The following MED26 variants were observed in gnomAD, a reference collection of about 807,000 sequenced individuals.
MED26 encodes mediator complex subunit 26, also known as mediator of RNA polymerase II transcription subunit 26.
A neutral mutation model predicts 43.7 loss-of-function variants in MED26; 7 were observed. That is an observed-to-expected ratio of 0.16 (90% CI 0.09 to 0.30). The LOEUF is 0.30. MED26 is among the 10% of genes least tolerant of loss of function. The pLI, the probability that MED26 is intolerant of heterozygous loss-of-function variation, is 1.00. For missense variants in MED26, 784 were observed against 840.6 expected, an observed-to-expected ratio of 0.93 and a Z score of 0.83; for synonymous variants, 375 against 371.1, an observed-to-expected ratio of 1.01 and a Z score of -0.12.
intron 1 of MED26, among the ~76,000 whole-genome samples, chr19:16,621,757 G>C (rs2086252400): frequency 6.6e-6 from 1 of 152,092 alleles, no homozygotes; most frequent in Non-Finnish European, 1.5e-5. Context: ...ACTGTGTTAA[G>C]TCAGCTCTGA....
chr19:16,585,884 A>T (rs923085502), intron 1 of MED26, among the ~76,000 whole-genome samples: 4 of 152,144 alleles, frequency 2.6e-5, no homozygotes, highest in African/African-American at 9.7e-5. Context: ...AGTGGAGTGG[A>T]CCCGCTACTG....
intron 1 of MED26, among the ~76,000 whole-genome samples, chr19:16,581,495 G>C (rs1022439314): frequency 6.6e-6 from 1 of 152,196 alleles, no homozygotes. Flanking sequence ...TTGGAGCCCT[G>C]GTTCCCCACA....
At chr19:16,609,941 T>TAAAAAAA (rs869040520) in intron 1 of MED26, among the ~76,000 whole-genome samples, 1 of 84,672 alleles carries the variant, frequency 1.2e-5, no homozygotes, top group African/African-American at 4.7e-5. Context: ...AAGCACTCTT[T>TAAAAAAA]AAAAAAAAAA....
At chr19:16,583,205 T>G (rs2086054241) in intron 1 of MED26, among the ~76,000 whole-genome samples, 1 of 152,254 alleles carries the variant, frequency 6.6e-6, no homozygotes, top group African/African-American at 2.4e-5. Flanking sequence ...CTGGCACATC[T>G]GAGGCCCCCT....
At position 16,576,299 on chromosome 19, in the gene MED26, T is replaced by A; in HGVS notation, c.1531A>T (p.Met511Leu). The A allele has an allele frequency of 6.2e-7, 1 of 1,612,668 alleles. No homozygotes were observed. Among genetic ancestry groups the A allele is most frequent in the Non-Finnish European group, 8.5e-7 (1 of 1,180,004 alleles). Residue 511 changes from methionine (M) to leucine (L), a missense_variant, in exon 3 of 3, where the codon ATG becomes TTG. Coordinates refer to ENST00000263390, the MANE Select transcript of MED26 (RefSeq NM_004831.5). This position sits in a 1 kb window ranked among gnomAD's most constrained non-coding sequence, Gnocchi z 6.8. ...TCCTCCTGCTTCAGGTACTCAGACA[T>A]GAAGTGGTGAGCCCCTGGGGTCTGC... ...GAQTPGAHHF[M>L]SEYLKQEEST...
chr19:16,627,846 T>G (rs1452030644), intron 1 of MED26, 26 bp downstream of exon 1: 9 of 1,465,078 alleles, frequency 6.1e-6, no homozygotes, highest in Non-Finnish European at 8.2e-6. Flanking sequence ...GCGGCCTCCG[T>G]CCCAGCTCGC....
At chr19:16,594,818 G>A (rs2086113032) in intron 1 of MED26, among the ~76,000 whole-genome samples, 1 of 152,144 alleles carries the variant, frequency 6.6e-6, no homozygotes. Flanking sequence ...TTAAGGGCAG[G>A]AACGCATGTT....
chr19:16,610,103 T>C (rs928738193), intron 1 of MED26, among the ~76,000 whole-genome samples: 9 of 151,798 alleles, frequency 5.9e-5, no homozygotes, highest in Non-Finnish European at 1.3e-4. Flanking sequence ...CTATAAAAAA[T>C]ACAAAAATTA....
chr19:16,583,439 A>G (rs1190168972), intron 1 of MED26, among the ~76,000 whole-genome samples: 2 of 151,968 alleles, frequency 1.3e-5, no homozygotes, highest in South Asian at 4.1e-4. Flanking sequence ...GCCCCTGCCC[A>G]CTTAATTTGC....
rs997122171 is a variant in MED26, at chr19:16,586,611, G to A, written c.73-8202C>T. ...GGACCAGGGTGACCCAGGCATGCAC[G>A]GGCCACCACAGCAGGGCTTCAGATG... On this transcript the variant is annotated intron_variant, in intron 1 of 2. Transcript: ENST00000263390. This position sits in a 1 kb window ranked among gnomAD's most constrained non-coding sequence, Gnocchi z 5.1. 2.6e-5 allele frequency among the ~76,000 whole-genome samples: 4 copies of A among 152,242 alleles called. No homozygotes were observed. The highest frequency in any genetic ancestry group is 9.6e-5 in the African/African-American group (4 of 41,470).
At chr19:16,591,089 A>G (rs950357393) in intron 1 of MED26, among the ~76,000 whole-genome samples, 1 of 135,188 alleles carries the variant, frequency 7.4e-6, no homozygotes, top group Non-Finnish European at 1.6e-5. Flanking sequence ...ATAAATAAAT[A>G]AATAAAGCTA....
chr19:16,584,282 A>C (rs1213613842), intron 1 of MED26, among the ~76,000 whole-genome samples: 2 of 150,582 alleles, frequency 1.3e-5, no homozygotes, highest in Non-Finnish European at 3.0e-5. Context: ...AAAAAACCGA[A>C]ACCCAAACAC....
At chr19:16,591,766 C>G (rs547814137) in intron 1 of MED26, among the ~76,000 whole-genome samples, 2 of 152,354 alleles carry the variant, frequency 1.3e-5, no homozygotes, top group East Asian at 1.9e-4. Flanking sequence ...ATCCTCCTGA[C>G]CTGAAAGTAG....
At position 16,627,960 on chromosome 19, in the gene MED26, G is replaced by C. The variant is rs773264181; in HGVS notation, c.-17C>G. 13 of 1,446,892 alleles carry C rather than the reference G, an allele frequency of 9.0e-6. No homozygotes were observed. Among genetic ancestry groups the C allele is most frequent in the Non-Finnish European group, 9.1e-6 (10 of 1,097,104 alleles). 89.6% of individuals were successfully genotyped at this position (1,446,892 alleles called of 1,614,324 possible). A position where few individuals can be genotyped will look rare whatever the true frequency, so the allele number is the denominator to read the frequency against. ...CGCTGTCATTGCCTGGGCGAGGCGGGGGGTTGCGGCCGGGCCAGCGGGCGG... is the reference window on the plus strand; with the variant it reads ...CGCTGTCATTGCCTGGGCGAGGCGGCGGGTTGCGGCCGGGCCAGCGGGCGG... On this transcript the variant is annotated 5_prime_UTR_variant, in exon 1 of 3. Transcript: ENST00000263390.
intron 1 of MED26, among the ~76,000 whole-genome samples, chr19:16,608,252 A>G (rs2086183215): frequency 6.6e-6 from 1 of 152,270 alleles, no homozygotes; most frequent in South Asian, 2.1e-4. Flanking sequence ...AGCCATTACT[A>G]ACAATTACAT....
Position 16,627,241 on chromosome 19 carries a change from T to C in MED26, c.72+631A>G, listed in dbSNP as rs115115247. Among the ~76,000 whole-genome samples, 633 of 152,280 alleles carry C rather than the reference T, an allele frequency of 4.2e-3. 1 individual carries two copies. Among genetic ancestry groups the C allele is most frequent in the African/African-American group, 0.014 (594 of 41,544 alleles). On this transcript the variant is annotated intron_variant, in intron 1 of 2. Transcript: ENST00000263390. ...GGATCCCACCCTCCCCGAGATCATC[T>C]ATCGTCGGCAGCGACCCCAAGAGGG...
At position 16,576,955 on chromosome 19, in the gene MED26, G is replaced by A. The variant is rs1370632730; in HGVS notation, c.875C>T (p.Ala292Val). ...GGGGCTGGGCACGGAGCCCTTGGGTGCATACAAGCTCTGCTGCCGGGCAAA... is the reference window on the plus strand; with the variant it reads ...GGGGCTGGGCACGGAGCCCTTGGGTACATACAAGCTCTGCTGCCGGGCAAA... ...GSFARQQSLYAPKGSVPSPSP... is the reference protein window; with the variant it reads ...GSFARQQSLYVPKGSVPSPSP... The change falls in exon 3 of 3, where the codon GCA (alanine) becomes GTA (valine). Residue 292 changes from alanine (A) to valine (V), a missense_variant. By Grantham distance (64) the Ala-to-Val change is moderately conservative. Around this residue, in one of 3 missense-constraint regions of MED26, gnomAD observed 719 missense variants for 730.9 expected, o/e 0.98. Coordinates refer to ENST00000263390, the MANE Select transcript of MED26 (RefSeq NM_004831.5). This position sits in a 1 kb window ranked among gnomAD's most constrained non-coding sequence, Gnocchi z 6.8. 4 of 1,597,434 alleles carry A rather than the reference G, an allele frequency of 2.5e-6. No homozygotes were observed. Among genetic ancestry groups the A allele is most frequent in the East Asian group, 2.2e-5 (1 of 44,612 alleles).
At chr19:16,581,929 C>T (rs936161965) in intron 1 of MED26, among the ~76,000 whole-genome samples, 8 of 152,222 alleles carry the variant, frequency 5.3e-5, no homozygotes, top group African/African-American at 1.7e-4. Context: ...TAGAGGAGCC[C>T]GCCTGCTCTA....
intron 1 of MED26, among the ~76,000 whole-genome samples, chr19:16,623,610 T>G (rs1162374669): frequency 6.6e-6 from 1 of 152,176 alleles, no homozygotes; most frequent in Admixed American, 6.5e-5. Context: ...GGCTATGTCA[T>G]ATCACCACCC....
Sources: gnomAD v4.1 joint callset for allele counts (sites outside exome capture counted in the v4.1 genomes callset) on GRCh38, gnomAD v4.1.1 for gene constraint, gnomAD v4.1.1 regional missense constraint, Gnocchi (gnomAD v3.1) non-coding constraint, MANE v1.5 for transcripts, NCBI Gene and HGNC (gene_info 2026-07-23, HGNC 2026-07-21) for gene names.